HPS3: variants seen among roughly 807,000 people sequenced by gnomAD.
HPS3 encodes the protein BLOC-2 complex member HPS3.
A neutral mutation model predicts 110.9 loss-of-function variants in HPS3; 79 were observed. The observed-to-expected ratio is 0.71, with a 90% confidence interval of 0.59 to 0.86. The LOEUF is 0.86. Among genes scored for constraint, HPS3 ranks in the 40% least tolerant of loss-of-function variants. The pLI is 0.00. For missense variants in HPS3, 1,197 were observed against 1,206.2 expected, an observed-to-expected ratio of 0.99 and a Z score of 0.11; for synonymous variants, 428 against 451.0, an observed-to-expected ratio of 0.95 and a Z score of 0.65.
At chr3:149,130,153 G>A in intron 1 of HPS3, 1 of 578,628 alleles carries the variant, frequency 1.7e-6, no homozygotes, top group South Asian at 2.1e-5. Flanking sequence ...GCTTGCTTCT[G>A]TCGGGGCGGA....
rs1270706703 is a variant in HPS3 at position 149,162,681 on chromosome 3, G to A, written c.2293-9G>A. On this transcript the variant is annotated splice_polypyrimidine_tract_variant and intron_variant, in intron 12 of 16. Coordinates refer to ENST00000296051, the MANE Select transcript of HPS3 (RefSeq NM_032383.5). ...CTGGAATATAGAGGCTCCTTTTACT[G>A]TTTTTAAGGTGCTTTGTGCTAAGGA... 1 of 1,613,738 alleles carries A rather than the reference G, an allele frequency of 6.2e-7. No individual in the cohort carries two copies. The highest frequency in any genetic ancestry group is 8.5e-7 in the Non-Finnish European group (1 of 1,179,850).
intron 8 of HPS3, among the ~76,000 whole-genome samples, chr3:149,156,641 T>G (rs1723475147): frequency 6.6e-6 from 1 of 152,104 alleles, no homozygotes; most frequent in South Asian, 2.1e-4. Flanking sequence ...AGGTGATTTT[T>G]GTGTTAAGGG....
intron 1 of HPS3, among the ~76,000 whole-genome samples, chr3:149,137,621 A>G (rs1722194654): frequency 6.6e-6 from 1 of 152,234 alleles, no homozygotes. Flanking sequence ...TTGTATGAAC[A>G]TACAATAGAG....
At chr3:149,155,304 G>A in intron 8 of HPS3, 89 bp downstream of exon 8, 1 of 821,002 alleles carries the variant, frequency 1.2e-6, no homozygotes, top group Admixed American at 1.9e-5. Flanking sequence ...ATACATTCAG[G>A]ATGCCACAGC....
At chr3:149,150,819 G>T (rs1435925723) in intron 6 of HPS3, 139 bp downstream of exon 6, 8 of 733,374 alleles carry the variant, frequency 1.1e-5, no homozygotes, top group South Asian at 1.0e-4. Flanking sequence ...TAGAACTTTT[G>T]GATGTAAAAT....
chr3:149,141,531 GTTTTTT>G, intron 4 of HPS3, 151 bp downstream of exon 4: 2 of 380,788 alleles, frequency 5.3e-6, no homozygotes, highest in East Asian at 5.5e-5. Flanking sequence ...TTTTTTTTTT[GTTTTTT>G]TTTTTTTTTT....
At chr3:149,148,949 CTTTTT>C (rs140573513) in intron 5 of HPS3, among the ~76,000 whole-genome samples, 25,427 of 102,000 alleles carry the variant, frequency 0.25, 2,456 homozygotes, top group African/African-American at 0.37. Context: ...GGAACCCTGC[CTTTTT>C]TTTTTTTTTT....
intron 5 of HPS3, 117 bp from the exon 6 acceptor site, chr3:149,150,482 A>G (rs1723031978): frequency 1.3e-6 from 1 of 754,506 alleles, no homozygotes; most frequent in Non-Finnish European, 2.4e-6. Flanking sequence ...GCAATATTTG[A>G]CAAATACTTG....
chr3:149,171,295 G>A (rs540482656), intron 16 of HPS3, among the ~76,000 whole-genome samples: 85 of 151,978 alleles, frequency 5.6e-4, no homozygotes, highest in African/African-American at 1.7e-3. Flanking sequence ...AAAATATATT[G>A]TTCATTAGAA....
intron 16 of HPS3, among the ~76,000 whole-genome samples, chr3:149,169,965 G>A (rs532385010): frequency 1.3e-3 from 197 of 152,260 alleles, no homozygotes; most frequent in African/African-American, 4.6e-3. Context: ...TGTAGATTTA[G>A]GTAGCTGGTG....
Position 149,167,992 on chromosome 3 carries a change from A to ATTT in HPS3, c.2887+17_2887+19dup. ...CCTGTCATCATTAAAAGGTAAAATG[A>ATTT]TTTTTTTTTTGCTTGATTATAAACT... On this transcript the variant is annotated intron_variant, in intron 16 of 16. Transcript: ENST00000296051. 35 of 1,292,154 alleles carry ATTT rather than the reference A, an allele frequency of 2.7e-5. No homozygotes were observed. Among genetic ancestry groups the ATTT allele is most frequent in the Non-Finnish European group, 3.6e-5 (33 of 905,430 alleles). 80.0% of individuals were successfully genotyped at this position (1,292,154 alleles called of 1,614,324 possible).
At chr3:149,148,924 G>A (rs1343678947) in intron 5 of HPS3, among the ~76,000 whole-genome samples, 1 of 150,008 alleles carries the variant, frequency 6.7e-6, no homozygotes, top group African/African-American at 2.5e-5. Flanking sequence ...ATTCCTACAG[G>A]TGGAGGTAAG....
chr3:149,141,729 G>A (rs1327050760), intron 4 of HPS3, among the ~76,000 whole-genome samples: 1 of 151,268 alleles, frequency 6.6e-6, no homozygotes, highest in South Asian at 2.1e-4. Context: ...CAGAGACGGG[G>A]TTTCACCATG....
intron 7 of HPS3, 167 bp downstream of exon 7, chr3:149,153,815 TAC>T: frequency 1.5e-6 from 1 of 688,104 alleles, no homozygotes; most frequent in Non-Finnish European, 2.5e-6. Flanking sequence ...ATCTCTGTAA[TAC>T]ACTTTATAAC....
In HPS3 at chr3:149,144,191, A is replaced by G. The variant is rs1052063089; in HGVS notation, c.971-1163A>G. On this transcript the variant is annotated intron_variant, in intron 4 of 16. Coordinates refer to ENST00000296051, the MANE Select transcript of HPS3 (RefSeq NM_032383.5). ...GGAGTTCGAGACCAGCCTGGCCAAT[A>G]TGGCGAAACCCCGTCTCTACTAGAA... Among the ~76,000 whole-genome samples, 168 of 148,742 alleles carry G rather than the reference A, an allele frequency of 1.1e-3. 2 individuals are homozygous for G. Among genetic ancestry groups the G allele is most frequent in the Middle Eastern group, 3.5e-3 (1 of 284 alleles).
chr3:149,155,468 G>A (rs1723401479), intron 8 of HPS3, among the ~76,000 whole-genome samples: 1 of 152,112 alleles, frequency 6.6e-6, no homozygotes, highest in South Asian at 2.1e-4. Context: ...AGATCGATTG[G>A]CCAATCTGAA....
In HPS3 at chr3:149,167,883, C is replaced by G. The variant is rs1204649364; in HGVS notation, c.2797-10C>G. 1.3e-6 allele frequency: 2 copies of G among 1,529,488 alleles called. No homozygotes were observed. The highest frequency in any genetic ancestry group is 1.7e-5 in the Admixed American group (1 of 59,860). 94.7% of individuals were successfully genotyped at this position (1,529,488 alleles called of 1,614,324 possible). A position where few individuals can be genotyped will look rare whatever the true frequency, so the allele number is the denominator to read the frequency against. On this transcript the variant is annotated splice_polypyrimidine_tract_variant and intron_variant, in intron 15 of 16. Coordinates refer to ENST00000296051, the MANE Select transcript of HPS3 (RefSeq NM_032383.5). ...TCAAACTAAAATTTATTCATTTTTT[C>G]CTAAGATAGACTCTGTGGTGGAAAA...
Position 149,139,444 on chromosome 3 carries a change from A to G in HPS3, c.218-560A>G, listed in dbSNP as rs564386742. On this transcript the variant is annotated intron_variant, in intron 1 of 16. Transcript: ENST00000296051. ...GCTTTTCATTTTGCATCTCTTTACC[A>G]CGTTACCATTTTGACTTCCCACAAC... Among the ~76,000 whole-genome samples the G allele has an allele frequency of 2.0e-5, 3 of 152,298 alleles. No homozygotes were observed. The South Asian group carries it at 6.2e-4, about 32-fold the overall frequency.
intron 5 of HPS3, among the ~76,000 whole-genome samples, chr3:149,146,826 G>T (rs998642785): frequency 6.6e-6 from 1 of 152,138 alleles, no homozygotes; most frequent in Non-Finnish European, 1.5e-5. Flanking sequence ...GTAGACAGGT[G>T]GTGAAAACAG....
Sources: gnomAD v4.1 joint callset for allele counts (sites outside exome capture counted in the v4.1 genomes callset) on GRCh38, gnomAD v4.1.1 for gene constraint, MANE v1.5 for transcripts, NCBI Gene and HGNC (gene_info 2026-07-23, HGNC 2026-07-21) for gene names.